The following SKAP2 variants were observed in gnomAD, a reference collection of about 807,000 sequenced individuals.
SKAP2 encodes src kinase associated phosphoprotein 2.
SKAP2 carries 28 observed loss-of-function variants against 54.9 expected under a neutral mutation model. The observed-to-expected ratio is 0.51, with a 90% confidence interval of 0.38 to 0.70. The LOEUF (loss-of-function observed/expected upper bound fraction) is 0.70. Among genes scored for constraint, SKAP2 ranks in the 30% least tolerant of loss-of-function variants. The pLI, the probability that SKAP2 is intolerant of heterozygous loss-of-function variation, is 0.00. For synonymous variants in SKAP2, 137 were observed against 134.3 expected, an observed-to-expected ratio of 1.02 and a Z score of -0.14; for missense variants, 356 against 424.1, an observed-to-expected ratio of 0.84 and a Z score of 1.41.
At chr7:26,657,716 A>G in the SKAP2 span, among the ~76,000 whole-genome samples, 1 of 150,786 alleles carries the variant, frequency 6.6e-6, no homozygotes, top group African/African-American at 2.5e-5. Context: ...GAGATGAGCC[A>G]AAGAAAAAAA....
intron 1 of SKAP2, among the ~76,000 whole-genome samples, chr7:26,858,404 G>C (rs1325947936): frequency 6.6e-6 from 1 of 152,158 alleles, no homozygotes; most frequent in Non-Finnish European, 1.5e-5. Flanking sequence ...CAGCTGTAAG[G>C]ATCTGGGGGA....
In SKAP2 at chr7:26,864,356, T is replaced by C; in HGVS notation, c.67+7A>G. The C allele has an allele frequency of 1.9e-6, 3 of 1,613,596 alleles. No homozygotes were observed. The highest frequency in any genetic ancestry group is 2.5e-6 in the Non-Finnish European group (3 of 1,179,782). ...GACAGCATTATCGCCGCCTTCCCGC[T>C]CTTTACCTGCCAACAGGTTCCTAAT... On this transcript the variant is annotated splice_region_variant and intron_variant, in intron 1 of 12. Transcript: ENST00000345317.
intron 4 of SKAP2, among the ~76,000 whole-genome samples, chr7:26,759,398 G>A (rs1782874198): frequency 6.6e-6 from 1 of 152,128 alleles, no homozygotes; most frequent in African/African-American, 2.4e-5. Flanking sequence ...CTAATCCTTT[G>A]TAAAATCACT....
intron 10 of SKAP2, among the ~76,000 whole-genome samples, chr7:26,687,162 G>A (rs1250474437): frequency 1.3e-5 from 2 of 149,358 alleles, no homozygotes; most frequent in African/African-American, 2.5e-5. Flanking sequence ...TCTTCCCCTC[G>A]ATACGCTTGC....
At chr7:26,715,929 T>C (rs1036661675) in intron 9 of SKAP2, among the ~76,000 whole-genome samples, 10 of 152,240 alleles carry the variant, frequency 6.6e-5, no homozygotes, top group Non-Finnish European at 1.2e-4. Flanking sequence ...TTTTTCAGCT[T>C]CCAAACACAT....
chr7:26,838,598 C>G (rs1472115534), intron 4 of SKAP2, among the ~76,000 whole-genome samples: 2 of 152,194 alleles, frequency 1.3e-5, no homozygotes, highest in East Asian at 3.8e-4. Flanking sequence ...TTCCCATTCT[C>G]TGCAACAAAC....
intron 4 of SKAP2, among the ~76,000 whole-genome samples, chr7:26,790,561 T>C (rs761677893): frequency 6.6e-6 from 1 of 152,236 alleles, no homozygotes; most frequent in Non-Finnish European, 1.5e-5. Flanking sequence ...GGATTTAATA[T>C]ACTGTCCTAT....
intron 4 of SKAP2, among the ~76,000 whole-genome samples, chr7:26,745,650 G>A (rs1782546421): frequency 6.6e-6 from 1 of 152,138 alleles, no homozygotes. Context: ...GAGTAGCTGG[G>A]ATTATAGGTA....
chr7:26,771,955 T>C (rs1356586159), intron 4 of SKAP2, among the ~76,000 whole-genome samples: 1 of 152,200 alleles, frequency 6.6e-6, no homozygotes, highest in Non-Finnish European at 1.5e-5. Context: ...AAAGTTTTAT[T>C]CATCTTCCTA....
At chr7:26,816,383 T>C (rs915505349) in intron 4 of SKAP2, among the ~76,000 whole-genome samples, 32 of 152,088 alleles carry the variant, frequency 2.1e-4, no homozygotes, top group African/African-American at 7.5e-4. Context: ...CACTTATGAA[T>C]ACATACAGCT....
chr7:26,727,334 G>T (rs530000508), intron 6 of SKAP2, among the ~76,000 whole-genome samples: 27 of 152,124 alleles, frequency 1.8e-4, no homozygotes, highest in African/African-American at 5.8e-4. Context: ...GGCTCTTTCA[G>T]ATTTAGTAGG....
intron 4 of SKAP2, among the ~76,000 whole-genome samples, chr7:26,740,629 T>C (rs1782421252): frequency 6.6e-6 from 1 of 152,172 alleles, no homozygotes. Context: ...ATATTCACGG[T>C]CATGGATTAT....
intron 4 of SKAP2, among the ~76,000 whole-genome samples, chr7:26,759,573 T>G (rs1554298687): frequency 6.6e-6 from 1 of 152,112 alleles, no homozygotes; most frequent in Non-Finnish European, 1.5e-5. Flanking sequence ...GCTGACAGGA[T>G]AAGCTCTACA....
chr7:26,701,115 A>C (rs958723621), intron 9 of SKAP2, among the ~76,000 whole-genome samples: 11 of 152,126 alleles, frequency 7.2e-5, no homozygotes, highest in Non-Finnish European at 1.6e-4. Context: ...CTCCCCAGTG[A>C]CTTATTTATA....
chr7:26,659,745 T>C, the SKAP2 span, among the ~76,000 whole-genome samples: 1 of 152,160 alleles, frequency 6.6e-6, no homozygotes, highest in Admixed American at 6.5e-5. Flanking sequence ...AATATATATA[T>C]ACTTATAAAT....
At chr7:26,830,617 A>G (rs1296888233) in intron 4 of SKAP2, among the ~76,000 whole-genome samples, 1 of 152,152 alleles carries the variant, frequency 6.6e-6, no homozygotes, top group Non-Finnish European at 1.5e-5. Flanking sequence ...ATATATAACG[A>G]GCTCAAGAAA....
intron 1 of SKAP2, 83 bp downstream of exon 1, chr7:26,864,280 G>A (rs1413370690): frequency 1.5e-5 from 23 of 1,535,510 alleles, no homozygotes; most frequent in Admixed American, 3.4e-5. Context: ...GAGGATAAGG[G>A]CTCTGAATGC....
chr7:26,700,818 C>T (rs139117854), intron 9 of SKAP2, among the ~76,000 whole-genome samples: 1,542 of 152,330 alleles, frequency 0.01, 34 homozygotes, highest in African/African-American at 0.036. Context: ...AATTGCTAGA[C>T]TCCAGACCTC....
chr7:26,839,221 C>T (rs1784771494), intron 4 of SKAP2, among the ~76,000 whole-genome samples: 1 of 152,058 alleles, frequency 6.6e-6, no homozygotes, highest in African/African-American at 2.4e-5. Flanking sequence ...TATTTTACAT[C>T]TGTGTACTTT....
Sources: allele counts gnomAD v4.1 joint callset (sites outside exome capture counted in the v4.1 genomes callset), GRCh38; gene constraint gnomAD v4.1.1; transcripts MANE v1.5; gene names NCBI Gene and HGNC (gene_info 2026-07-23, HGNC 2026-07-21).